MYT1L: variants seen among roughly 807,000 people sequenced by gnomAD.
The protein encoded by MYT1L is myelin transcription factor 1-like protein.
MYT1L carries 12 observed loss-of-function variants against 126.7 expected under a neutral mutation model. The observed-to-expected ratio is 0.09, with a 90% CI of 0.06 to 0.15. The LOEUF (loss-of-function observed/expected upper bound fraction) is 0.15. Among genes scored for constraint, MYT1L ranks in the 10% least tolerant of loss-of-function variants. MYT1L has a pLI of 1.00. For synonymous variants in MYT1L, 541 were observed against 604.2 expected, an observed-to-expected ratio of 0.90 and a Z score of 1.53; for missense variants, 979 against 1,585.2, an observed-to-expected ratio of 0.62 and a Z score of 6.49.
chr2:1,824,192 G>A (rs1289405439), intron 21 of MYT1L, among the ~76,000 whole-genome samples: 1 of 152,220 alleles, frequency 6.6e-6, no homozygotes, highest in Non-Finnish European at 1.5e-5. Context: ...ATATTCCTAT[G>A]CTTAGGAGCC....
At chr2:2,121,736 C>T (rs897059638) in intron 3 of MYT1L, among the ~76,000 whole-genome samples, 2 of 151,952 alleles carry the variant, frequency 1.3e-5, no homozygotes, top group South Asian at 2.1e-4. Flanking sequence ...CCGCCCACCT[C>T]GGCCTCCCAA....
chr2:1,798,404 T>G (rs2034216013), intron 23 of MYT1L, among the ~76,000 whole-genome samples: 1 of 152,218 alleles, frequency 6.6e-6, no homozygotes, highest in South Asian at 2.1e-4. Flanking sequence ...ATCACCGGGC[T>G]GTAGGCCTGA....
At chr2:2,068,798 T>TTTTTTTC (rs2074232293) in intron 3 of MYT1L, among the ~76,000 whole-genome samples, 1 of 117,436 alleles carries the variant, frequency 8.5e-6, no homozygotes, top group Non-Finnish European at 1.8e-5. Context: ...TTTTTTTTTT[T>TTTTTTTC]CATATGTATA....
chr2:1,866,833 G>T (rs2045625619), intron 18 of MYT1L, among the ~76,000 whole-genome samples: 1 of 121,866 alleles, frequency 8.2e-6, no homozygotes, highest in Non-Finnish European at 1.7e-5. Context: ...GGGAGGGGGA[G>T]AGAGAGAGGC....
intron 14 of MYT1L, among the ~76,000 whole-genome samples, chr2:1,898,284 C>G (rs989658591): frequency 2.6e-5 from 4 of 152,172 alleles, no homozygotes; most frequent in African/African-American, 9.7e-5. Flanking sequence ...ATCTTTAGAC[C>G]TAACTTGATT....
chr2:1,892,014 T>C, intron 15 of MYT1L, 23 bp downstream of exon 15: 1 of 1,489,772 alleles, frequency 6.7e-7, no homozygotes, highest in Non-Finnish European at 8.9e-7. Context: ...GCCAGGTGGC[T>C]CCACCTGCCC....
chr2:2,328,264 GA>G (rs2096263604), intron 1 of MYT1L, among the ~76,000 whole-genome samples: 1 of 152,038 alleles, frequency 6.6e-6, no homozygotes, highest in African/African-American at 2.4e-5. Context: ...ATCAGACAGT[GA>G]AATAATTGGG....
At chr2:2,139,207 T>C (rs965319076) in intron 3 of MYT1L, among the ~76,000 whole-genome samples, 3 of 152,090 alleles carry the variant, frequency 2.0e-5, no homozygotes, top group East Asian at 1.9e-4. Context: ...ACTGCTGGAA[T>C]GCCATCTACT....
At chr2:2,193,899 G>C (rs912772005) in intron 2 of MYT1L, among the ~76,000 whole-genome samples, 3 of 152,032 alleles carry the variant, frequency 2.0e-5, no homozygotes, top group Non-Finnish European at 2.9e-5. Context: ...TCATTTTGTA[G>C]TTAGGATTTA....
rs1012181422 is a variant in MYT1L at position 1,887,892 on chromosome 2, C to T, written c.2521-283G>A. Among the ~76,000 whole-genome samples the T allele has an allele frequency of 6.6e-6, 1 of 152,176 alleles. No individual in the cohort carries two copies. Among genetic ancestry groups the T allele is most frequent in the Non-Finnish European group, 1.5e-5 (1 of 68,030 alleles). On this transcript the variant is annotated intron_variant, in intron 16 of 24. Transcript: ENST00000647738. This position sits in a 1 kb window ranked among gnomAD's most constrained non-coding sequence, Gnocchi z 4.8. ...CATGGACACACACACGGTCTGGTAG[C>T]CAGAGACTACATTTAACTTGGTCTT...
At chr2:2,177,413 C>T (rs1257768804) in intron 2 of MYT1L, among the ~76,000 whole-genome samples, 1 of 152,136 alleles carries the variant, frequency 6.6e-6, no homozygotes. Context: ...AGGCAGAATC[C>T]TTAAGATGTG....
intron 18 of MYT1L, 109 bp from the exon 19 acceptor site, chr2:1,851,812 A>C: frequency 1.9e-6 from 2 of 1,063,178 alleles, no homozygotes; most frequent in Non-Finnish European, 2.9e-6. Flanking sequence ...TTCACTTCCT[A>C]CTTGAAAGAG....
At chr2:2,181,991 A>G (rs1183197647) in intron 2 of MYT1L, among the ~76,000 whole-genome samples, 2 of 152,166 alleles carry the variant, frequency 1.3e-5, no homozygotes, top group Non-Finnish European at 2.9e-5. Context: ...CAGGCTGGAC[A>G]TTGACAAGTG....
Position 1,934,307 on chromosome 2 carries a change from T to TATATATATATATATATATATACAC in MYT1L, c.505+8674_505+8675insGTGTATATATATATATATATATAT, listed in dbSNP as rs71276816. 2.7e-4 allele frequency among the ~76,000 whole-genome samples: 36 copies of TATATATATATATATATATATACAC among 132,174 alleles called. 2 individuals are homozygous for TATATATATATATATATATATACAC. The highest frequency in any genetic ancestry group is 4.9e-4 in the African/African-American group (18 of 36,546). The allele number at this position is 132,174 out of a possible 152,430, so 86.7% of individuals were successfully genotyped here. A position where few individuals can be genotyped will look rare whatever the true frequency, so the allele number is the denominator to read the frequency against. ...TTTTTATAACATATATATATATATA[T>TATATATATATATATATATATACAC]ACAACCTCATATATGTAATTTATAG... is the stretch of plus-strand genomic sequence containing the variant. On this transcript the variant is annotated intron_variant, in intron 9 of 24. Transcript: ENST00000647738.
chr2:1,797,709 T>C (rs1192587173), intron 23 of MYT1L, among the ~76,000 whole-genome samples: 2 of 152,234 alleles, frequency 1.3e-5, no homozygotes, highest in Admixed American at 6.5e-5. Flanking sequence ...TAAATAAAAT[T>C]GCGTTTGTCC....
chr2:2,219,812 T>C (rs1040211480), intron 2 of MYT1L, among the ~76,000 whole-genome samples: 1 of 152,210 alleles, frequency 6.6e-6, no homozygotes, highest in African/African-American at 2.4e-5. Context: ...GTCTCCTTTT[T>C]TCGGTGTACT....
At chr2:2,151,681 C>A (rs546756551) in intron 3 of MYT1L, among the ~76,000 whole-genome samples, 1 of 152,090 alleles carries the variant, frequency 6.6e-6, no homozygotes, top group African/African-American at 2.4e-5. Context: ...ATATACATAC[C>A]TAGGATAAAG....
chr2:2,275,791 G>A (rs557447345), intron 2 of MYT1L, among the ~76,000 whole-genome samples: 3 of 152,282 alleles, frequency 2.0e-5, no homozygotes, highest in South Asian at 2.1e-4. Context: ...CCAGCCTCAT[G>A]TCAGCCCATC....
At chr2:2,120,781 G>A (rs995016343) in intron 3 of MYT1L, among the ~76,000 whole-genome samples, 3 of 152,132 alleles carry the variant, frequency 2.0e-5, no homozygotes, top group African/African-American at 7.2e-5. Flanking sequence ...ATACGAATGT[G>A]CGCATTGCAC....
Sources: allele counts gnomAD v4.1 joint callset (sites outside exome capture counted in the v4.1 genomes callset), GRCh38; gene constraint gnomAD v4.1.1; non-coding constraint Gnocchi (gnomAD v3.1); transcripts MANE v1.5; gene names NCBI Gene and HGNC (gene_info 2026-07-23, HGNC 2026-07-21).